Variants in LRRC69 observed in about 807,000 individuals in gnomAD.
LRRC69 encodes leucine-rich repeat-containing protein 69.
In LRRC69, 42 loss-of-function variants were observed where a neutral mutation model predicts 37.8. The ratio of observed to expected loss-of-function variants is 1.11; its 90% CI spans 0.87 to 1.44. The LOEUF (loss-of-function observed/expected upper bound fraction) is 1.44. Ranked by LOEUF, LRRC69 falls within the 40% of genes most tolerant of loss-of-function variation. LRRC69 has a pLI of 0.00. For missense variants in LRRC69, 357 were observed against 401.9 expected (o/e 0.89, Z 0.96); for synonymous variants, 141 against 143.1 (o/e 0.99, Z 0.11).
chr8:91,190,339 G>A (rs1008797468), intron 6 of LRRC69, among the ~76,000 whole-genome samples: 1 of 151,112 alleles, frequency 6.6e-6, no homozygotes, highest in Non-Finnish European at 1.5e-5. Context: ...ACATACAGAT[G>A]AGCAATGGAG....
chr8:91,150,593 G>T (rs1808715526), intron 5 of LRRC69, among the ~76,000 whole-genome samples: 1 of 151,996 alleles, frequency 6.6e-6, no homozygotes, highest in Non-Finnish European at 1.5e-5. Flanking sequence ...GATAATGCTG[G>T]CCTCATAAAA....
At chr8:91,203,978 C>T (rs190543115) in intron 7 of LRRC69, among the ~76,000 whole-genome samples, 243 of 151,762 alleles carry the variant, frequency 1.6e-3, no homozygotes, top group South Asian at 2.5e-3. Context: ...AAAAATTAGC[C>T]GGGTGTGGTG....
chr8:91,196,750 A>T (rs1809609367), intron 6 of LRRC69, among the ~76,000 whole-genome samples: 1 of 149,468 alleles, frequency 6.7e-6, no homozygotes, highest in Non-Finnish European at 1.5e-5. Context: ...ATTCTTCTAA[A>T]TTTTTTTCAA....
intron 7 of LRRC69, among the ~76,000 whole-genome samples, chr8:91,215,609 A>G (rs1268270983): frequency 1.3e-5 from 2 of 152,192 alleles, no homozygotes; most frequent in Admixed American, 1.3e-4. Context: ...ATAGCATTTT[A>G]CTTTTTAAAG....
rs1485719295 is a variant in LRRC69 at position 91,103,292 on chromosome 8, T to TC, written c.183+448_183+449insC. On this transcript the variant is annotated intron_variant, in intron 1 of 7. Transcript: ENST00000448384. Reference sequence around the variant, plus strand: ...ATGCAGCAAGGGAGTTCCTTTTCAATTTCCTAGGGCAGGCTGAAACTTTGA... The same window carrying TC: ...ATGCAGCAAGGGAGTTCCTTTTCAATCTTCCTAGGGCAGGCTGAAACTTTGA... Among the ~76,000 whole-genome samples the TC allele has an allele frequency of 2.4e-3, 357 of 151,674 alleles. 13 individuals are homozygous for TC. The highest frequency in any genetic ancestry group is 5.3e-3 in the Admixed American group (81 of 15,160).
At chr8:91,136,222 C>G (rs549972123) in intron 5 of LRRC69, among the ~76,000 whole-genome samples, 1 of 152,004 alleles carries the variant, frequency 6.6e-6, no homozygotes, top group South Asian at 2.1e-4. Context: ...CAACTCCTAA[C>G]TTTTGAGAAA....
rs77032905 is a variant in LRRC69, at chr8:91,125,978, A to G, written c.311-1110A>G. The stretch of plus-strand genomic sequence containing the variant: ...TAGTGATCAGATCAGGGTAATTGGC[A>G]TAGCCATCATCTCAAACACTTATCA... On this transcript the variant is annotated intron_variant, in intron 2 of 7. Transcript: ENST00000448384. Among the ~76,000 whole-genome samples, 808 of 152,080 alleles carry G rather than the reference A, an allele frequency of 5.3e-3. 4 individuals carry two copies. The highest frequency in any genetic ancestry group is 9.0e-3 in the Non-Finnish European group (614 of 68,004).
At chr8:91,197,672 G>T (rs570714057) in intron 6 of LRRC69, among the ~76,000 whole-genome samples, 1 of 152,186 alleles carries the variant, frequency 6.6e-6, no homozygotes. Flanking sequence ...TGCGCTTCCC[G>T]AGTGAGGCAA....
At chr8:91,214,644 A>T (rs948032179) in intron 7 of LRRC69, among the ~76,000 whole-genome samples, 3 of 152,140 alleles carry the variant, frequency 2.0e-5, no homozygotes, top group Non-Finnish European at 4.4e-5. Context: ...CAATGAAGGG[A>T]TTAGACCAGT....
chr8:91,118,102 G>C, intron 1 of LRRC69: 1 of 450,380 alleles, frequency 2.2e-6, no homozygotes. Context: ...AATATAGATA[G>C]CTAGATCTTC....
At chr8:91,211,086 C>CTTTCAGAAA (rs1314025050) in intron 7 of LRRC69, among the ~76,000 whole-genome samples, 32 of 151,988 alleles carry the variant, frequency 2.1e-4, no homozygotes, top group Admixed American at 3.9e-4. Flanking sequence ...AAAACAATGG[C>CTTTCAGAAA]ATACTATTTT....
intron 6 of LRRC69, among the ~76,000 whole-genome samples, chr8:91,198,536 T>C (rs77680389): frequency 1.2e-3 from 186 of 151,366 alleles, no homozygotes; most frequent in African/African-American, 4.3e-3. Context: ...GTTTTTCATA[T>C]TATATAATTT....
intron 7 of LRRC69, among the ~76,000 whole-genome samples, chr8:91,215,686 A>C (rs1449333557): frequency 6.6e-6 from 1 of 152,150 alleles, no homozygotes; most frequent in East Asian, 1.9e-4. Flanking sequence ...TCCTTTTCCT[A>C]TTCACTGACC....
At chr8:91,148,909 C>T (rs1426073588) in intron 5 of LRRC69, among the ~76,000 whole-genome samples, 1 of 151,742 alleles carries the variant, frequency 6.6e-6, no homozygotes, top group East Asian at 1.9e-4. Flanking sequence ...TCATATCGTT[C>T]ACCCACTTTT....
chr8:91,104,268 C>G (rs1015989462), intron 1 of LRRC69, among the ~76,000 whole-genome samples: 23 of 151,984 alleles, frequency 1.5e-4, no homozygotes, highest in African/African-American at 5.3e-4. Flanking sequence ...AATCCACCTT[C>G]AGCTGTCCTT....
chr8:91,160,201 A>G (rs552565238), intron 5 of LRRC69, among the ~76,000 whole-genome samples: 2 of 149,998 alleles, frequency 1.3e-5, no homozygotes, highest in African/African-American at 4.8e-5. Context: ...GGTTTATAGA[A>G]TCACTACTGA....
chr8:91,186,841 G>A (rs1431336232), intron 5 of LRRC69, among the ~76,000 whole-genome samples: 1 of 152,116 alleles, frequency 6.6e-6, no homozygotes, highest in African/African-American at 2.4e-5. Context: ...GATGGAAAGA[G>A]AGGTTTCCAA....
chr8:91,215,495 A>G (rs748195292), intron 7 of LRRC69, among the ~76,000 whole-genome samples: 1 of 152,178 alleles, frequency 6.6e-6, no homozygotes, highest in Non-Finnish European at 1.5e-5. Context: ...ATTTGAATTT[A>G]AAGTGGAAAA....
intron 5 of LRRC69, among the ~76,000 whole-genome samples, chr8:91,188,967 G>A (rs76444076): frequency 0.025 from 3,817 of 151,492 alleles, 171 homozygotes; most frequent in African/African-American, 0.086. Flanking sequence ...TGGGATTATG[G>A]GCATGTACCA....
Sources: gnomAD v4.1 joint callset for allele counts (sites outside exome capture counted in the v4.1 genomes callset) on GRCh38, gnomAD v4.1.1 for gene constraint, MANE v1.5 for transcripts, NCBI Gene and HGNC (gene_info 2026-07-23, HGNC 2026-07-21) for gene names.